The following PARP9 variants were observed in gnomAD, a reference collection of about 807,000 sequenced individuals.
PARP9 encodes the protein poly(ADP-ribose) polymerase family member 9, also known as protein mono-ADP-ribosyltransferase PARP9.
Under a neutral mutation model 68.8 loss-of-function variants are expected in PARP9, and 48 were observed. The ratio of observed to expected loss-of-function variants is 0.70; its 90% confidence interval spans 0.55 to 0.89. PARP9 has a LOEUF of 0.89. PARP9 is among the 40% of genes least tolerant of loss of function. PARP9 has a pLI of 0.00. For synonymous variants in PARP9, 309 were observed against 333.8 expected (o/e 0.93, Z 0.81); for missense variants, 806 against 969.3 (o/e 0.83, Z 2.24).
chr3:122,543,540 G>A (rs1215328310), intron 7 of PARP9, among the ~76,000 whole-genome samples: 3 of 152,136 alleles, frequency 2.0e-5, no homozygotes, highest in Non-Finnish European at 4.4e-5. Context: ...GCCTCCCAAA[G>A]TGCTGGGATT....
Position 122,536,250 on chromosome 3 carries a change from A to ATGGC in PARP9, c.1994_1997dup (p.His666GlnfsTer3), listed in dbSNP as rs2077629735. On this transcript the variant is annotated frameshift_variant, in exon 10 of 11. Transcript: ENST00000682323. LOFTEE classifies it high-confidence loss of function. The stretch of plus-strand genomic sequence containing the variant: ...GGTATGGGACTTGCTGAAACAGCCT[A>ATGGC]TGGCTCACAGGTTGCCTGTGCAGTT... 6.2e-7 allele frequency: 1 copy of ATGGC among 1,614,074 alleles called. No individual in the cohort carries two copies. Among genetic ancestry groups the ATGGC allele is most frequent in the Admixed American group, 1.7e-5 (1 of 60,000 alleles).
upstream of PARP9, chr3:122,564,537 C>T: frequency 6.2e-7 from 1 of 1,610,460 alleles, no homozygotes; most frequent in Non-Finnish European, 8.5e-7. Flanking sequence ...AGTCCTCGGG[C>T]GGCGGGGAGT....
intron 1 of PARP9, among the ~76,000 whole-genome samples, chr3:122,561,604 TC>T (rs1345627393): frequency 6.6e-6 from 1 of 152,228 alleles, no homozygotes; most frequent in Non-Finnish European, 1.5e-5. Context: ...TCCTATGCCA[TC>T]TTCCCTTGGT....
intron 10 of PARP9, chr3:122,533,943 G>A (rs1391081103): frequency 9.6e-5 from 95 of 985,368 alleles, no homozygotes; most frequent in Non-Finnish European, 1.0e-4. Flanking sequence ...AACAGCTTCA[G>A]TGGTAGCAAG....
chr3:122,541,036 G>A (rs1167419583), intron 7 of PARP9, among the ~76,000 whole-genome samples, 184 bp from the exon 8 acceptor site: 6 of 151,952 alleles, frequency 3.9e-5, no homozygotes, highest in African/African-American at 1.5e-4. Flanking sequence ...GACTACAGGC[G>A]CCCGCCACCA....
At chr3:122,558,396 G>A in intron 3 of PARP9, 38 bp downstream of exon 3, 2 of 1,614,122 alleles carry the variant, frequency 1.2e-6, no homozygotes, top group Non-Finnish European at 1.7e-6. Context: ...TCTGAGCAAA[G>A]ACTTTCTGAA....
At position 122,550,592 on chromosome 3, in the gene PARP9, T is replaced by C. The variant is rs2079123354; in HGVS notation, c.1318A>G (p.Ile440Val). ...KFVIFPTDLE[I>V]YKAFSSEMAK... Reference sequence around the variant, plus strand: ...CTAAGATATTAACTTACCTTATATATCTCCAAATCTGTTGGAAAGATCACA... The same window carrying C: ...CTAAGATATTAACTTACCTTATATACCTCCAAATCTGTTGGAAAGATCACA... The change falls in exon 6 of 11, where the codon ATA (isoleucine) becomes GTA (valine). Residue 440 changes from isoleucine to valine, a missense_variant. By Grantham distance (29) the Ile-to-Val change is conservative (BLOSUM62 3). Transcript: ENST00000682323. 6.2e-7 allele frequency: 1 copy of C among 1,606,354 alleles called. No individual in the cohort carries two copies. Among genetic ancestry groups the C allele is most frequent in the East Asian group, 2.2e-5 (1 of 44,844 alleles).
chr3:122,532,375 A>C, intron 10 of PARP9: 1 of 985,314 alleles, frequency 1.0e-6, no homozygotes, highest in Non-Finnish European at 1.2e-6. Flanking sequence ...TGGGAGCCAT[A>C]AGCCAGACAA....
At chr3:122,533,794 T>C (rs1024379933) in intron 10 of PARP9, 1 of 985,284 alleles carries the variant, frequency 1.0e-6, no homozygotes, top group Non-Finnish European at 1.2e-6. Flanking sequence ...CAAACATAAA[T>C]AGAAAAAAGA....
At chr3:122,540,209 A>C (rs1272735106) in intron 8 of PARP9, among the ~76,000 whole-genome samples, 1 of 152,212 alleles carries the variant, frequency 6.6e-6, no homozygotes, top group East Asian at 1.9e-4. Flanking sequence ...CCACTGCCAA[A>C]ATTCCATGTA....
chr3:122,528,778 A>G, intron 10 of PARP9, 35 bp from the exon 11 acceptor site: 1 of 1,493,922 alleles, frequency 6.7e-7, no homozygotes. Flanking sequence ...AAAGATTATT[A>G]TAATCTGGTA....
intron 3 of PARP9, chr3:122,558,217 A>T: frequency 1.5e-6 from 2 of 1,318,860 alleles, no homozygotes; most frequent in Non-Finnish European, 2.1e-6. Context: ...TCTCACATTT[A>T]CGGGCAAAGG....
chr3:122,556,937 C>G (rs1483901795), intron 3 of PARP9, among the ~76,000 whole-genome samples: 1 of 152,192 alleles, frequency 6.6e-6, no homozygotes, highest in Non-Finnish European at 1.5e-5. Flanking sequence ...CCACCTCAGC[C>G]TCCTGAGTAG....
chr3:122,562,349 A>AT (rs58857328), intron 1 of PARP9, among the ~76,000 whole-genome samples: 40,890 of 142,428 alleles, frequency 0.29, 5,766 homozygotes, highest in East Asian at 0.44. Context: ...CGCCTGGCTA[A>AT]TTTTTTTTTT....
chr3:122,549,470 AG>A (rs1337225561), intron 6 of PARP9, among the ~76,000 whole-genome samples: 2 of 152,134 alleles, frequency 1.3e-5, no homozygotes, highest in Admixed American at 6.5e-5. Flanking sequence ...GGGATTTTAG[AG>A]GGAAAACTGA....
intron 1 of PARP9, among the ~76,000 whole-genome samples, chr3:122,560,615 T>C (rs760126808): frequency 1.2e-4 from 18 of 152,138 alleles, no homozygotes; most frequent in Non-Finnish European, 2.1e-4. Flanking sequence ...CTCAATCTCC[T>C]GACCTCGTGA....
At chr3:122,556,431 G>A (rs2079671607) in intron 3 of PARP9, among the ~76,000 whole-genome samples, 1 of 152,060 alleles carries the variant, frequency 6.6e-6, no homozygotes. Flanking sequence ...ATGTATATGG[G>A]GGCTTGTGAA....
intron 10 of PARP9, chr3:122,532,537 T>A: frequency 1.6e-6 from 1 of 625,558 alleles, no homozygotes; most frequent in Non-Finnish European, 2.0e-6. Flanking sequence ...TCCACATCTG[T>A]GGTCATGGGG....
chr3:122,550,556 G>A lies in PARP9; in HGVS notation c.1326+28C>T, dbSNP rs750699686. The A allele has an allele frequency of 3.3e-6, 5 of 1,520,098 alleles. No homozygotes were observed. In the African/African-American group the frequency reaches 4.1e-5, roughly 13 times the overall value. The allele number at this position is 1,520,098 out of a possible 1,614,324, so 94.2% of individuals were successfully genotyped here. A position where few individuals can be genotyped will look rare whatever the true frequency, so the allele number is the denominator to read the frequency against. On this transcript the variant is annotated intron_variant, in intron 6 of 10. Transcript: ENST00000682323. ...GAATGAATGAATGAATGAATGAACA[G>A]TAGGACATTTCTAAGATATTAACTT... is the stretch of plus-strand genomic sequence containing the variant.
Sources: allele counts gnomAD v4.1 joint callset (sites outside exome capture counted in the v4.1 genomes callset), GRCh38; gene constraint gnomAD v4.1.1; transcripts MANE v1.5; gene names NCBI Gene and HGNC (gene_info 2026-07-23, HGNC 2026-07-21).